The following NCKAP5 variants were observed in gnomAD, a reference collection of about 807,000 sequenced individuals.
NCKAP5 encodes NCK associated protein 5, also known as nck-associated protein 5.
A neutral mutation model predicts 167.0 loss-of-function variants in NCKAP5; 92 were observed. That is an observed-to-expected ratio of 0.55 (90% CI 0.47 to 0.66). The LOEUF (loss-of-function observed/expected upper bound fraction) is 0.66, where lower values mean the gene tolerates loss of function less well. NCKAP5 is among the 30% of genes least tolerant of loss of function. The pLI is 0.00. For missense variants in NCKAP5, 2,378 were observed against 2,315.0 expected (o/e 1.03, Z -0.56); for synonymous variants, 891 against 877.4 (o/e 1.02, Z -0.27).
intron 6 of NCKAP5, among the ~76,000 whole-genome samples, chr2:133,127,832 G>A (rs1048903809): frequency 2.6e-5 from 4 of 152,222 alleles, no homozygotes; most frequent in Non-Finnish European, 5.9e-5. Context: ...CAAACTGAAT[G>A]AAAAATCGAG....
At chr2:132,951,092 C>G (rs947282437) in intron 8 of NCKAP5, among the ~76,000 whole-genome samples, 1 of 152,152 alleles carries the variant, frequency 6.6e-6, no homozygotes, top group South Asian at 2.1e-4. Context: ...GTCTTCTTTA[C>G]TTTGCTGGGT....
At chr2:133,505,617 C>T (rs1682934393) in intron 3 of NCKAP5, among the ~76,000 whole-genome samples, 1 of 152,138 alleles carries the variant, frequency 6.6e-6, no homozygotes, top group African/African-American at 2.4e-5. Context: ...GATGAGAACA[C>T]GGAGGCTCAG....
At chr2:132,753,034 C>T (rs1253142565) in intron 16 of NCKAP5, among the ~76,000 whole-genome samples, 1 of 152,174 alleles carries the variant, frequency 6.6e-6, no homozygotes, top group Non-Finnish European at 1.5e-5. Flanking sequence ...ATCTGATTTA[C>T]TCAGTTTACC....
intron 8 of NCKAP5, among the ~76,000 whole-genome samples, chr2:132,963,076 A>C (rs1401740853): frequency 6.6e-6 from 1 of 151,980 alleles, no homozygotes; most frequent in Non-Finnish European, 1.5e-5. Context: ...AGAACTAGTA[A>C]CTAGAATGGT....
intron 5 of NCKAP5, among the ~76,000 whole-genome samples, chr2:133,159,989 C>T (rs185822368): frequency 5.1e-4 from 78 of 152,266 alleles, no homozygotes; most frequent in Non-Finnish European, 9.0e-4. Context: ...CTCTCTCCAT[C>T]TTCTCCCCAT....
At chr2:133,033,349 A>G (rs1006840951) in intron 6 of NCKAP5, among the ~76,000 whole-genome samples, 13 of 152,294 alleles carry the variant, frequency 8.5e-5, no homozygotes, top group African/African-American at 2.9e-4. Context: ...CACAACACCG[A>G]AGTCCTTTCA....
chr2:133,062,855 A>T (rs914678697), intron 6 of NCKAP5, among the ~76,000 whole-genome samples: 1 of 152,222 alleles, frequency 6.6e-6, no homozygotes, highest in African/African-American at 2.4e-5. Flanking sequence ...AAACCAAAGA[A>T]GATTCAGTAA....
chr2:132,862,847 G>A (rs909259269), intron 10 of NCKAP5, among the ~76,000 whole-genome samples: 3 of 151,804 alleles, frequency 2.0e-5, no homozygotes, highest in African/African-American at 7.3e-5. Flanking sequence ...TTGAGACAGA[G>A]TTTCACTCTT....
intron 8 of NCKAP5, among the ~76,000 whole-genome samples, chr2:132,920,806 T>C (rs1475890931): frequency 9.0e-6 from 1 of 111,456 alleles, no homozygotes; most frequent in African/African-American, 3.6e-5. Flanking sequence ...TATATATATA[T>C]ATATATATAT....
At chr2:132,690,210 C>G (rs1401024803) in intron 19 of NCKAP5, among the ~76,000 whole-genome samples, 1 of 152,162 alleles carries the variant, frequency 6.6e-6, no homozygotes, top group African/African-American at 2.4e-5. Flanking sequence ...TCAGGTTCCT[C>G]TCACATCCCA....
At chr2:132,889,645 T>A (rs755111554) in intron 8 of NCKAP5, among the ~76,000 whole-genome samples, 1 of 152,048 alleles carries the variant, frequency 6.6e-6, no homozygotes, top group Admixed American at 6.6e-5. Context: ...AAGGTGCACA[T>A]TGGACTAAAT....
intron 3 of NCKAP5, among the ~76,000 whole-genome samples, chr2:133,326,283 G>A (rs558320172): frequency 7.9e-5 from 12 of 152,112 alleles, no homozygotes; most frequent in African/African-American, 2.2e-4. Context: ...GTGAAACCCT[G>A]TCTCTACTGA....
chr2:133,150,412 G>T (rs1395676160), intron 5 of NCKAP5, among the ~76,000 whole-genome samples: 2 of 152,118 alleles, frequency 1.3e-5, no homozygotes, highest in Non-Finnish European at 2.9e-5. Context: ...CATATATACT[G>T]AAGATAAGGG....
intron 3 of NCKAP5, among the ~76,000 whole-genome samples, chr2:133,374,639 G>T (rs1574827810): frequency 6.6e-6 from 1 of 151,734 alleles, no homozygotes; most frequent in Non-Finnish European, 1.5e-5. Flanking sequence ...GGGGATATTG[G>T]TGATGGGGAG....
chr2:132,878,763 T>A, intron 9 of NCKAP5, 85 bp downstream of exon 9: 1 of 971,548 alleles, frequency 1.0e-6, no homozygotes, highest in Non-Finnish European at 1.7e-6. Context: ...TTGTGGATAC[T>A]GGTAGCACAC....
intron 4 of NCKAP5, among the ~76,000 whole-genome samples, chr2:133,263,511 T>C (rs971245325): frequency 6.6e-6 from 1 of 152,010 alleles, no homozygotes; most frequent in African/African-American, 2.4e-5. Context: ...AACAAAAGTT[T>C]TCAAAATGAT....
chr2:133,446,118 G>A (rs2151181518), intron 3 of NCKAP5, among the ~76,000 whole-genome samples: 1 of 152,212 alleles, frequency 6.6e-6, no homozygotes, highest in South Asian at 2.1e-4. Context: ...CTGTCAGAGT[G>A]GTCCAAGGAA....
At chr2:133,230,783 T>C (rs549686621) in intron 4 of NCKAP5, among the ~76,000 whole-genome samples, 1 of 152,324 alleles carries the variant, frequency 6.6e-6, no homozygotes, top group African/African-American at 2.4e-5. Flanking sequence ...CAACACTAGT[T>C]TCCCATATGT....
At chr2:133,603,952 A>G in the NCKAP5 span, among the ~76,000 whole-genome samples, 1 of 152,172 alleles carries the variant, frequency 6.6e-6, no homozygotes, top group Admixed American at 6.5e-5. Context: ...TGGACTAGGT[A>G]CTCTCAGGGG....
Sources: allele counts gnomAD v4.1 joint callset (sites outside exome capture counted in the v4.1 genomes callset), GRCh38; gene constraint gnomAD v4.1.1; transcripts MANE v1.5; gene names NCBI Gene and HGNC (gene_info 2026-07-23, HGNC 2026-07-21).